Variants in ASTN2 observed in about 807,000 individuals in gnomAD.
ASTN2 encodes the protein astrotactin-2.
ASTN2 carries 54 observed loss-of-function variants against 139.8 expected under a neutral mutation model. The observed-to-expected ratio is 0.39, with a 90% CI of 0.31 to 0.48. The LOEUF is 0.48. Among genes scored for constraint, ASTN2 ranks in the 20% least tolerant of loss-of-function variants. The pLI is 0.95. For missense variants in ASTN2, 1,565 were observed against 1,725.1 expected, an observed-to-expected ratio of 0.91 and a Z score of 1.64; for synonymous variants, 756 against 719.5, an observed-to-expected ratio of 1.05 and a Z score of -0.81.
chr9:116,958,617 A>G (rs1835789244), intron 10 of ASTN2, among the ~76,000 whole-genome samples: 1 of 152,104 alleles, frequency 6.6e-6, no homozygotes, highest in Non-Finnish European at 1.5e-5. Flanking sequence ...AAAAGAGCCG[A>G]CATCTGGCCT....
At chr9:116,443,610 C>T (rs1847902243) in intron 20 of ASTN2, among the ~76,000 whole-genome samples, 1 of 152,008 alleles carries the variant, frequency 6.6e-6, no homozygotes, top group South Asian at 2.1e-4. Flanking sequence ...CTCTGTGACC[C>T]TTGTATTCCC....
At chr9:117,372,405 C>T (rs1224441595) in intron 1 of ASTN2, among the ~76,000 whole-genome samples, 1 of 152,066 alleles carries the variant, frequency 6.6e-6, no homozygotes, top group Non-Finnish European at 1.5e-5. Context: ...ACTCCTGGAC[C>T]CCATTCATAT....
chr9:116,650,280 T>C lies in ASTN2; in HGVS notation c.3072+1248A>G, dbSNP rs924892848. On this transcript the variant is annotated intron_variant, in intron 17 of 22. Transcript: ENST00000313400. ...TTTATGGATTGAGGTTCAAGAAAGA[T>C]TGCATTTGGAAAAAGTGTTCCATAA... 3.3e-5 allele frequency among the ~76,000 whole-genome samples: 5 copies of C among 152,122 alleles called. No individual in the cohort carries two copies. The East Asian group carries it at 9.6e-4, about 29-fold the overall frequency.
At chr9:116,470,394 A>G (rs1389712246) in intron 20 of ASTN2, among the ~76,000 whole-genome samples, 1 of 152,144 alleles carries the variant, frequency 6.6e-6, no homozygotes, top group Non-Finnish European at 1.5e-5. Flanking sequence ...GTTAATAACT[A>G]GGAAGTTAGA....
intron 3 of ASTN2, among the ~76,000 whole-genome samples, chr9:117,204,282 C>A (rs1346854042): frequency 6.6e-6 from 1 of 152,162 alleles, no homozygotes; most frequent in Non-Finnish European, 1.5e-5. Context: ...TGGTCTGGAA[C>A]TCCTGGCCTC....
intron 19 of ASTN2, among the ~76,000 whole-genome samples, chr9:116,534,886 G>A (rs750920919): frequency 6.6e-6 from 1 of 152,158 alleles, no homozygotes; most frequent in Non-Finnish European, 1.5e-5. Context: ...TCCACTTGGT[G>A]CAGAACTGAG....
chr9:117,026,411 C>T (rs1421684819), intron 6 of ASTN2, among the ~76,000 whole-genome samples: 1 of 152,124 alleles, frequency 6.6e-6, no homozygotes, highest in Non-Finnish European at 1.5e-5. Flanking sequence ...GGGGATTATT[C>T]TTACAAGGCT....
intron 20 of ASTN2, among the ~76,000 whole-genome samples, chr9:116,477,133 G>A (rs981216228): frequency 6.6e-6 from 1 of 152,048 alleles, no homozygotes; most frequent in African/African-American, 2.4e-5. Flanking sequence ...TTGACGCAGT[G>A]TGAGGAAAGA....
intron 19 of ASTN2, among the ~76,000 whole-genome samples, chr9:116,563,142 G>A (rs995969112): frequency 1.3e-5 from 2 of 152,028 alleles, no homozygotes; most frequent in Admixed American, 6.6e-5. Context: ...TTGGGAGGCC[G>A]AGGTGGGCGG....
rs202153034 is a variant in ASTN2, at chr9:117,069,386, A to C, written c.1276+26658T>G. Among the ~76,000 whole-genome samples the C allele has an allele frequency of 1.7e-3, 133 of 77,504 alleles. 10 individuals carry two copies. The highest frequency in any genetic ancestry group is 7.6e-3 in the African/African-American group (130 of 17,218). The allele number at this position is 77,504 out of a possible 152,430, so 50.8% of individuals were successfully genotyped here. On this transcript the variant is annotated intron_variant, in intron 5 of 22. Transcript: ENST00000313400. ...GTGGTCTGAGAGATAGTTTGTTATA[A>C]TTTCTGTTCTTTTACATTTGCTGAG...
chr9:117,093,781 G>GGCA (rs1828765719), intron 5 of ASTN2, among the ~76,000 whole-genome samples: 1 of 152,032 alleles, frequency 6.6e-6, no homozygotes, highest in Non-Finnish European at 1.5e-5. Flanking sequence ...TAGCAGCTGC[G>GGCA]GCAGCAACAA....
intron 18 of ASTN2, among the ~76,000 whole-genome samples, chr9:116,618,795 T>G (rs1855982155): frequency 6.6e-6 from 1 of 152,226 alleles, no homozygotes; most frequent in Admixed American, 6.5e-5. Flanking sequence ...GATGCTTCAC[T>G]TTCAATTAAA....
chr9:116,966,093 A>C (rs768674742), intron 10 of ASTN2, among the ~76,000 whole-genome samples: 15 of 152,074 alleles, frequency 9.9e-5, no homozygotes, highest in Non-Finnish European at 1.5e-4. Context: ...TCATACTTTC[A>C]TGTGTCTCTC....
chr9:117,232,206 T>A (rs990973085), intron 2 of ASTN2, among the ~76,000 whole-genome samples: 5 of 152,190 alleles, frequency 3.3e-5, no homozygotes, highest in Non-Finnish European at 7.3e-5. Flanking sequence ...CATGAGTGTA[T>A]TGTCTTGTTT....
intron 10 of ASTN2, among the ~76,000 whole-genome samples, chr9:116,893,007 C>T (rs1050183596): frequency 8.3e-4 from 127 of 152,124 alleles, no homozygotes; most frequent in African/African-American, 3.0e-3. Context: ...CTTCTCCATT[C>T]TCCGGTACTC....
intron 13 of ASTN2, among the ~76,000 whole-genome samples, chr9:116,752,726 C>T (rs544115487): frequency 6.6e-6 from 1 of 152,232 alleles, no homozygotes; most frequent in Non-Finnish European, 1.5e-5. Context: ...AGACACCTCA[C>T]CAAAGAAAAT....
chr9:117,264,277 T>C (rs1833892809), intron 2 of ASTN2, among the ~76,000 whole-genome samples: 1 of 152,144 alleles, frequency 6.6e-6, no homozygotes, highest in Admixed American at 6.5e-5. Flanking sequence ...TAGAGTTACA[T>C]CTACTGAATT....
chr9:117,132,223 G>A (rs1829843930), intron 4 of ASTN2, among the ~76,000 whole-genome samples: 1 of 152,122 alleles, frequency 6.6e-6, no homozygotes, highest in African/African-American at 2.4e-5. Context: ...ATGTGAACCA[G>A]GCTGGGATAG....
At chr9:116,734,178 A>G (rs1828860421) in intron 13 of ASTN2, among the ~76,000 whole-genome samples, 2 of 152,004 alleles carry the variant, frequency 1.3e-5, no homozygotes, top group Non-Finnish European at 1.5e-5. Context: ...ACTCAAACCC[A>G]TGTCTTCTGA....
Sources: allele counts gnomAD v4.1 joint callset (sites outside exome capture counted in the v4.1 genomes callset), GRCh38; gene constraint gnomAD v4.1.1; transcripts MANE v1.5; gene names NCBI Gene and HGNC (gene_info 2026-07-23, HGNC 2026-07-21).